Variants in MLLT10 observed in about 807,000 individuals in gnomAD.
MLLT10 encodes protein AF-10.
Under a neutral mutation model 129.1 loss-of-function variants are expected in MLLT10, and 30 were observed. The ratio of observed to expected loss-of-function variants is 0.23; its 90% CI spans 0.17 to 0.32. MLLT10 has a LOEUF of 0.32. MLLT10 is among the 10% of genes least tolerant of loss of function. The probability of loss-of-function intolerance (pLI) is 1.00; values close to 1 mark genes in which losing one functional copy is unlikely to be tolerated. For missense variants in MLLT10, 1,119 were observed against 1,268.3 expected (o/e 0.88, Z 1.79); for synonymous variants, 490 against 446.4 (o/e 1.10, Z -1.23).
In MLLT10 at chr10:21,623,198, T is replaced by A. The variant is rs961403350; in HGVS notation, c.699+5991T>A. 1.1e-4 allele frequency among the ~76,000 whole-genome samples: 16 copies of A among 152,192 alleles called. 1 individual carries two copies. Among genetic ancestry groups the A allele is most frequent in the African/African-American group, 3.9e-4 (16 of 41,446 alleles). On this transcript the variant is annotated intron_variant, in intron 8 of 22. Coordinates refer to ENST00000307729, the MANE Select transcript of MLLT10 (RefSeq NM_001195626.3). ...CATTATGTAGGCACAATTTATTAAA[T>A]CGTTGGTCATTGGTGATTGAATTCA...
At chr10:21,548,137 C>G (rs1001984398) in intron 3 of MLLT10, among the ~76,000 whole-genome samples, 1 of 151,948 alleles carries the variant, frequency 6.6e-6, no homozygotes, top group Non-Finnish European at 1.5e-5. Flanking sequence ...TCTAGTTTGT[C>G]TTCTGGTGTC....
intron 8 of MLLT10, among the ~76,000 whole-genome samples, chr10:21,641,885 A>G (rs1477882353): frequency 6.6e-6 from 1 of 152,216 alleles, no homozygotes; most frequent in Non-Finnish European, 1.5e-5. Flanking sequence ...GGTTAATTTA[A>G]CAGTAGCCAA....
chr10:21,694,750 C>G (rs769876837), intron 13 of MLLT10, among the ~76,000 whole-genome samples: 2 of 152,160 alleles, frequency 1.3e-5, no homozygotes, highest in Non-Finnish European at 2.9e-5. Flanking sequence ...AAGTTAGCAG[C>G]TTAAAACCAC....
At chr10:21,725,285 G>A (rs1273812644) in intron 14 of MLLT10, among the ~76,000 whole-genome samples, 1 of 152,166 alleles carries the variant, frequency 6.6e-6, no homozygotes, top group Non-Finnish European at 1.5e-5. Flanking sequence ...CTGCTTTTAT[G>A]TTTCAGATGG....
intron 3 of MLLT10, among the ~76,000 whole-genome samples, chr10:21,541,665 C>T (rs1588792007): frequency 2.0e-5 from 3 of 152,088 alleles, no homozygotes; most frequent in Admixed American, 6.5e-5. Flanking sequence ...GGATTACAGG[C>T]GTGAGCTACC....
intron 8 of MLLT10, among the ~76,000 whole-genome samples, chr10:21,630,786 A>G (rs567894890): frequency 7.9e-5 from 12 of 152,358 alleles, no homozygotes; most frequent in Middle Eastern, 3.4e-3. Flanking sequence ...TTACAAGTAC[A>G]GTAAGATCTT....
intron 5 of MLLT10, among the ~76,000 whole-genome samples, chr10:21,608,400 C>G (rs2044273932): frequency 6.6e-6 from 1 of 151,724 alleles, no homozygotes; most frequent in South Asian, 2.1e-4. Context: ...TGGTGTTGAA[C>G]TCCTGGGCTC....
At chr10:21,649,292 G>A (rs975348334) in intron 8 of MLLT10, among the ~76,000 whole-genome samples, 1 of 152,074 alleles carries the variant, frequency 6.6e-6, no homozygotes, top group Non-Finnish European at 1.5e-5. Context: ...TCACAGGCTG[G>A]CCTTGAACTC....
chr10:21,677,358 A>C (rs534104559), intron 11 of MLLT10, among the ~76,000 whole-genome samples: 2 of 152,344 alleles, frequency 1.3e-5, no homozygotes, highest in African/African-American at 4.8e-5. Context: ...ATAATAAATA[A>C]GTAGGAAGGA....
At position 21,550,927 on chromosome 10, in the gene MLLT10, AT is replaced by A. The variant is rs200972062; in HGVS notation, c.240+12031del. 4.9e-3 allele frequency among the ~76,000 whole-genome samples: 498 copies of A among 100,808 alleles called. 3 individuals are homozygous for A. Among genetic ancestry groups the A allele is most frequent in the South Asian group, 0.047 (170 of 3,602 alleles). The allele number at this position is 100,808 out of a possible 152,430, so 66.1% of individuals were successfully genotyped here. ...TGTTTTCAGATTTCTTTTATCTTTAATTTTTTTTTTTTTTTTGAAATGGAGT... is the reference window on the plus strand; with the variant it reads ...TGTTTTCAGATTTCTTTTATCTTTAATTTTTTTTTTTTTTTGAAATGGAGT... On this transcript the variant is annotated intron_variant, in intron 3 of 22. Coordinates refer to ENST00000307729, the MANE Select transcript of MLLT10 (RefSeq NM_001195626.3).
intron 8 of MLLT10, among the ~76,000 whole-genome samples, chr10:21,639,090 A>G (rs531358165): frequency 1.3e-4 from 20 of 152,332 alleles, no homozygotes; most frequent in East Asian, 3.9e-4. Flanking sequence ...CTAAATAGCC[A>G]TACCCCTAAC....
chr10:21,571,415 G>GA (rs1209223650), intron 3 of MLLT10, among the ~76,000 whole-genome samples: 4 of 152,114 alleles, frequency 2.6e-5, no homozygotes, highest in African/African-American at 4.8e-5. Flanking sequence ...TCCTCAACTT[G>GA]GGGAGACTAC....
intron 13 of MLLT10, among the ~76,000 whole-genome samples, chr10:21,690,470 A>G (rs2053744380): frequency 6.6e-6 from 1 of 152,156 alleles, no homozygotes; most frequent in Admixed American, 6.5e-5. Flanking sequence ...AGTAACTTGA[A>G]TGTGTTTACA....
chr10:21,593,927 A>T lies in MLLT10; in HGVS notation c.296-1404A>T, dbSNP rs1233670789. Among the ~76,000 whole-genome samples the T allele has an allele frequency of 5.7e-3, 262 of 46,240 alleles. 3 individuals are homozygous for T. Among genetic ancestry groups the T allele is most frequent in the African/African-American group, 0.029 (240 of 8,316 alleles). 30.3% of individuals were successfully genotyped at this position (46,240 alleles called of 152,430 possible). ...GGCGACAGACCAAGGCTTTGTCTTT[A>T]AAAAAAAAAAAAAAAAAAAAAAAAA... is the stretch of plus-strand genomic sequence containing the variant. On this transcript the variant is annotated intron_variant, in intron 4 of 22. Transcript: ENST00000307729.
intron 21 of MLLT10, among the ~76,000 whole-genome samples, chr10:21,738,215 C>T (rs971992911): frequency 2.0e-5 from 3 of 151,706 alleles, no homozygotes; most frequent in African/African-American, 4.8e-5. Context: ...TGCAGTGAGC[C>T]GAGAGCACAC....
intron 3 of MLLT10, among the ~76,000 whole-genome samples, chr10:21,579,186 C>G (rs764234447): frequency 1.3e-5 from 2 of 152,104 alleles, no homozygotes; most frequent in Non-Finnish European, 2.9e-5. Flanking sequence ...AGTTTACTTT[C>G]TTTTGGCTTC....
chr10:21,626,572 C>T (rs2046464639), intron 8 of MLLT10, among the ~76,000 whole-genome samples: 2 of 152,158 alleles, frequency 1.3e-5, no homozygotes, highest in Admixed American at 1.3e-4. Context: ...ATGGCCCCAT[C>T]AGCTCTCAAT....
chr10:21,668,609 A>AT lies in MLLT10; in HGVS notation c.796-1834dup, dbSNP rs200546231. Among the ~76,000 whole-genome samples, 392 of 152,150 alleles carry AT rather than the reference A, an allele frequency of 2.6e-3. 1 individual carries two copies. The highest frequency in any genetic ancestry group is 8.7e-3 in the African/African-American group (361 of 41,544). ...AATGTTCAGTTACAGTTTTAATATG[A>AT]TTTTTTGTCACTGAAGTTTGATTGT... On this transcript the variant is annotated intron_variant, in intron 9 of 22. Coordinates refer to ENST00000307729, the MANE Select transcript of MLLT10 (RefSeq NM_001195626.3).
chr10:21,571,555 AT>A (rs2040208280), intron 3 of MLLT10, among the ~76,000 whole-genome samples: 1 of 152,166 alleles, frequency 6.6e-6, no homozygotes, highest in Non-Finnish European at 1.5e-5. Context: ...CTTGTCCAAT[AT>A]CTTCAGTGCT....
Sources: allele counts gnomAD v4.1 joint callset (sites outside exome capture counted in the v4.1 genomes callset), GRCh38; gene constraint gnomAD v4.1.1; transcripts MANE v1.5; gene names NCBI Gene and HGNC (gene_info 2026-07-23, HGNC 2026-07-21).